PRKACB: variants seen among roughly 807,000 people sequenced by gnomAD.
PRKACB encodes cAMP-dependent protein kinase catalytic subunit beta.
A neutral mutation model predicts 51.4 loss-of-function variants in PRKACB; 16 were observed. The observed-to-expected ratio is 0.31, with a 90% confidence interval of 0.21 to 0.47. The LOEUF (loss-of-function observed/expected upper bound fraction) is 0.47, where lower values mean the gene tolerates loss of function less well. Among genes scored for constraint, PRKACB ranks in the 20% least tolerant of loss-of-function variants. PRKACB has a pLI of 1.00. For missense variants in PRKACB, 309 were observed against 464.5 expected (o/e 0.67, Z 3.08); for synonymous variants, 147 against 154.4 (o/e 0.95, Z 0.35).
upstream of PRKACB, chr1:84,078,081 T>G (rs1282124447): frequency 5.2e-6 from 2 of 386,174 alleles, no homozygotes; most frequent in African/African-American, 4.3e-5. Context: ...CCGCCGCCAC[T>G]GCTGCTGCCA....
At chr1:84,101,803 G>A (rs1344199063) in intron 1 of PRKACB, among the ~76,000 whole-genome samples, 1 of 152,022 alleles carries the variant, frequency 6.6e-6, no homozygotes, top group Non-Finnish European at 1.5e-5. Flanking sequence ...AATTGTAACA[G>A]GAATTTAATC....
chr1:84,177,517 G>A lies in PRKACB; in HGVS notation c.188-1660G>A, dbSNP rs543303140. ...GCACTTTGGGAGGCTGAGCCAGAAAGTTCACTTGAGCTCAAAAGTTCAGGA... is the reference window on the plus strand; with the variant it reads ...GCACTTTGGGAGGCTGAGCCAGAAAATTCACTTGAGCTCAAAAGTTCAGGA... On this transcript the variant is annotated intron_variant, in intron 1 of 9. Transcript: ENST00000370685. Among the ~76,000 whole-genome samples the A allele has an allele frequency of 2.0e-3, 300 of 152,160 alleles. 2 individuals are homozygous for A. The highest frequency in any genetic ancestry group is 6.8e-3 in the African/African-American group (284 of 41,544).
intron 9 of PRKACB, among the ~76,000 whole-genome samples, chr1:84,218,289 T>C (rs1673164094): frequency 1.3e-5 from 2 of 152,162 alleles, no homozygotes; most frequent in African/African-American, 4.8e-5. Flanking sequence ...CTCAGTACCT[T>C]AGTTCTCTTC....
At chr1:84,197,299 C>A (rs984638003) in intron 6 of PRKACB, among the ~76,000 whole-genome samples, 2 of 152,092 alleles carry the variant, frequency 1.3e-5, no homozygotes, top group Admixed American at 6.6e-5. Context: ...GGGAGCATTT[C>A]TTTTTACACA....
chr1:84,219,403 T>C (rs141056991), intron 9 of PRKACB, among the ~76,000 whole-genome samples: 168 of 152,016 alleles, frequency 1.1e-3, no homozygotes, highest in African/African-American at 3.3e-3. Context: ...TTTTGTATTT[T>C]TAGTAAAGAC....
At chr1:84,115,552 G>T (rs1441013197) in intron 1 of PRKACB, among the ~76,000 whole-genome samples, 5 of 151,532 alleles carry the variant, frequency 3.3e-5, no homozygotes, top group Admixed American at 2.0e-4. Flanking sequence ...GTCTATTGGT[G>T]TTTTTGTTGC....
At chr1:84,225,025 T>C (rs963277921) in intron 9 of PRKACB, among the ~76,000 whole-genome samples, 2 of 152,062 alleles carry the variant, frequency 1.3e-5, no homozygotes, top group African/African-American at 4.8e-5. Context: ...CCCAGAGTGA[T>C]AGACAGAGGG....
chr1:84,231,372 C>T (rs1675621602), intron 9 of PRKACB, among the ~76,000 whole-genome samples: 1 of 152,154 alleles, frequency 6.6e-6, no homozygotes. Flanking sequence ...GGATATTGGA[C>T]TAAAATTCTC....
At chr1:84,191,625 G>A (rs748774831) in intron 5 of PRKACB, among the ~76,000 whole-genome samples, 1 of 152,018 alleles carries the variant, frequency 6.6e-6, no homozygotes, top group African/African-American at 2.4e-5. Flanking sequence ...GGAGCTAAAC[G>A]TTGAGTGTAC....
At chr1:84,133,774 G>C (rs1242590825) in intron 1 of PRKACB, among the ~76,000 whole-genome samples, 1 of 152,228 alleles carries the variant, frequency 6.6e-6, no homozygotes, top group Admixed American at 6.5e-5. Flanking sequence ...CACCTAGTGA[G>C]GGAGTACCTG....
At chr1:84,086,294 C>G (rs1647981685) in intron 1 of PRKACB, 2 of 1,061,980 alleles carry the variant, frequency 1.9e-6, no homozygotes, top group Non-Finnish European at 1.4e-6. Context: ...CTTGGCCCTT[C>G]CTGCTGCCTC....
At chr1:84,093,805 C>T (rs547827091) in intron 1 of PRKACB, among the ~76,000 whole-genome samples, 5 of 151,684 alleles carry the variant, frequency 3.3e-5, no homozygotes, top group Non-Finnish European at 7.4e-5. Context: ...TTGTAATATG[C>T]TGTTTAAATT....
At chr1:84,099,806 A>G (rs1368764437) in intron 1 of PRKACB, among the ~76,000 whole-genome samples, 2 of 152,104 alleles carry the variant, frequency 1.3e-5, no homozygotes, top group Non-Finnish European at 2.9e-5. Context: ...TAGAAATCCT[A>G]TGTAATGTAT....
chr1:84,173,405 G>A, intron 1 of PRKACB: 2 of 1,412,686 alleles, frequency 1.4e-6, no homozygotes, highest in Non-Finnish European at 1.9e-6. Context: ...ATTATCGTAA[G>A]CTAAATTTTT....
At chr1:84,097,473 A>G (rs1169428500) in intron 1 of PRKACB, among the ~76,000 whole-genome samples, 5 of 152,142 alleles carry the variant, frequency 3.3e-5, no homozygotes, top group African/African-American at 1.2e-4. Context: ...GTGTGTATTA[A>G]TAAGGGTTCT....
rs142701223 is a variant in PRKACB, at chr1:84,124,560, G to T, written c.46+46189G>T. Among the ~76,000 whole-genome samples, 3 of 152,208 alleles carry T rather than the reference G, an allele frequency of 2.0e-5. No individual in the cohort carries two copies. In the East Asian group the frequency reaches 5.8e-4, roughly 29 times the overall value. On this transcript the variant is annotated intron_variant, in intron 1 of 8. Coordinates refer to the PRKACB transcript ENST00000370688. ...AAAACTGGACATTTGTAATGTTGCT[G>T]TCTGAGCCTATAGCCCCCTACCTTC...
upstream of PRKACB, among the ~76,000 whole-genome samples, chr1:84,140,546 A>G (rs183336800): frequency 6.6e-6 from 1 of 152,162 alleles, no homozygotes; most frequent in East Asian, 1.9e-4. Context: ...ATATGTTTTC[A>G]TGTTTTTCTT....
At position 84,219,590 on chromosome 1, in the gene PRKACB, A is replaced by G. The variant is rs150111149; in HGVS notation, c.1071+5273A>G. Among the ~76,000 whole-genome samples, 349 of 151,326 alleles carry G rather than the reference A, an allele frequency of 2.3e-3. 1 individual carries two copies. Among genetic ancestry groups the G allele is most frequent in the African/African-American group, 8.0e-3 (331 of 41,154 alleles). On this transcript the variant is annotated intron_variant, in intron 9 of 9. Transcript: ENST00000370685. ...TAGTATTGTTATGGTTTGGGGCCTTATTTTTAAGTACTTAATTCATTTTGA... is the reference window on the plus strand; with the variant it reads ...TAGTATTGTTATGGTTTGGGGCCTTGTTTTTAAGTACTTAATTCATTTTGA...
chr1:84,232,647 A>T (rs1263928978), intron 9 of PRKACB, among the ~76,000 whole-genome samples: 2 of 152,100 alleles, frequency 1.3e-5, no homozygotes, highest in African/African-American at 4.8e-5. Flanking sequence ...TGTTGAATTG[A>T]TCCCTTTACC....
Sources: gnomAD v4.1 joint callset for allele counts (sites outside exome capture counted in the v4.1 genomes callset) on GRCh38, gnomAD v4.1.1 for gene constraint, MANE v1.5 for transcripts, NCBI Gene and HGNC (gene_info 2026-07-23, HGNC 2026-07-21) for gene names.